Variants in ADAM33 observed in about 807,000 individuals in gnomAD.
ADAM33 encodes ADAM metallopeptidase domain 33.
In ADAM33, 103 loss-of-function variants were observed where a neutral mutation model predicts 106.2. The ratio of observed to expected loss-of-function variants is 0.97; its 90% CI spans 0.83 to 1.14. The LOEUF is 1.14. ADAM33 is among the 50% of genes most tolerant of loss of function. The pLI is 0.00. For missense variants in ADAM33, 1,120 were observed against 1,096.6 expected (o/e 1.02, Z -0.30); for synonymous variants, 483 against 453.0 (o/e 1.07, Z -0.84).
intron 6 of ADAM33, 80 bp from the exon 7 acceptor site, chr20:3,674,364 A>T (rs2087795685): frequency 1.9e-6 from 3 of 1,607,278 alleles, no homozygotes; most frequent in Non-Finnish European, 2.6e-6. Context: ...CCCAGAAGGA[A>T]GTTTAACATG....
Position 3,677,153 on chromosome 20 carries a change from A to G in ADAM33, c.178-10T>C. On this transcript the variant is annotated splice_polypyrimidine_tract_variant and intron_variant, in intron 2 of 21. Transcript: ENST00000356518. Reference sequence around the variant, plus strand: ...TGTCTGGCTTCGAGACCTGGGCAAGAAAATGTGTGGAGCTGAGATGGTGGC... The same window carrying G: ...TGTCTGGCTTCGAGACCTGGGCAAGGAAATGTGTGGAGCTGAGATGGTGGC... 6.2e-7 allele frequency: 1 copy of G among 1,604,054 alleles called. No individual in the cohort carries two copies. The highest frequency in any genetic ancestry group is 1.1e-5 in the South Asian group (1 of 89,920).
chr20:3,673,433 C>T lies in ADAM33; in HGVS notation c.1054G>A (p.Gly352Ser), dbSNP rs978556100. 2.5e-6 allele frequency: 4 copies of T among 1,575,714 alleles called. No individual in the cohort carries two copies. The East Asian group carries it at 6.9e-5, about 27-fold the overall frequency. The change falls in exon 11 of 22, where the codon GGC becomes AGC. Residue 352 changes from glycine to serine, a missense_variant. By Grantham distance (56) the Gly-to-Ser change is moderately conservative (BLOSUM62 0). Transcript: ENST00000356518. ...CAGCCGTCGGGGTCGTGGCTGAGGC[C>T]GAGGCTGTGGCCGATCTCATGGGCC... ...TMAHEIGHSL[G>S]LSHDPDGCCV...
At chr20:3,674,421 C>A in intron 6 of ADAM33, 83 bp downstream of exon 6, 9 of 1,600,506 alleles carry the variant, frequency 5.6e-6, no homozygotes, top group Non-Finnish European at 6.8e-6. Context: ...TACTGGGACT[C>A]GAGGCCTGTG....
At position 3,679,707 on chromosome 20, in the gene ADAM33, G is replaced by T. The variant is rs138079694; in HGVS notation, c.98-136C>A. 3.3e-5 allele frequency: 23 copies of T among 689,600 alleles called. No homozygotes were observed. In the African/African-American group the frequency reaches 3.9e-4, roughly 12 times the overall value. The allele number at this position is 689,600 out of a possible 1,614,324, so 42.7% of individuals were successfully genotyped here. Reference sequence around the variant, plus strand: ...TTGGGGCAGACTTCACCTTCAACACGCGTGGGCTCAGCCTGGAGAAGGAGG... The same window carrying T: ...TTGGGGCAGACTTCACCTTCAACACTCGTGGGCTCAGCCTGGAGAAGGAGG... On this transcript the variant is annotated intron_variant, in intron 1 of 21. Transcript: ENST00000356518.
Position 3,669,301 on chromosome 20 carries a change from TG to T in ADAM33, c.2401del (p.Gln801LysfsTer16). 2 of 1,586,994 alleles carry T rather than the reference TG, an allele frequency of 1.3e-6. No homozygotes were observed. Among genetic ancestry groups the T allele is most frequent in the Non-Finnish European group, 1.7e-6 (2 of 1,172,692 alleles). On this transcript the variant is annotated frameshift_variant, in exon 21 of 22. Coordinates refer to ENST00000356518, the MANE Select transcript of ADAM33 (RefSeq NM_025220.5). LOFTEE classifies it high-confidence loss of function. ...TTTGAATCCAGGTCCCTGCCTACCT[TG>T]GGGGTCAGGCGAGACTGCTGGCAGA... ...KPLPAVSPDP[Q>X]ADQVQMPRSC...
In ADAM33 at chr20:3,675,082, A is replaced by G. The variant is rs376636270; in HGVS notation, c.278T>C (p.Ile93Thr). Residue 93 changes from isoleucine to threonine, a missense_variant, in exon 4 of 22, where the codon ATA (isoleucine) becomes ACA (threonine). By Grantham distance (89) the Ile-to-Thr change is moderately conservative. Coordinates refer to ENST00000356518, the MANE Select transcript of ADAM33 (RefSeq NM_025220.5). This position sits in a 1 kb window ranked among gnomAD's most constrained non-coding sequence, Gnocchi z 4.1. ...KNHRLLAPGY[I>T]ETHYGPDGQP... ...CCCATCTGGGCCGTAGTGGGTTTCTATGTATCCTGGGGCCAGCAGCCTGCT... is the reference window on the plus strand; with the variant it reads ...CCCATCTGGGCCGTAGTGGGTTTCTGTGTATCCTGGGGCCAGCAGCCTGCT... The G allele has an allele frequency of 1.9e-6, 3 of 1,613,112 alleles. No individual in the cohort carries two copies. The highest frequency in any genetic ancestry group is 1.3e-5 in the African/African-American group (1 of 74,898).
chr20:3,678,397 G>A (rs2088161666), intron 2 of ADAM33, among the ~76,000 whole-genome samples: 1 of 152,148 alleles, frequency 6.6e-6, no homozygotes, highest in South Asian at 2.1e-4. Context: ...CACAGCCCAG[G>A]CCAGACAGAC....
intron 2 of ADAM33, among the ~76,000 whole-genome samples, chr20:3,679,115 CA>C (rs781034169): frequency 7.2e-5 from 10 of 139,756 alleles, no homozygotes; most frequent in Non-Finnish European, 1.4e-4. Flanking sequence ...GTCAACTTTG[CA>C]AAAGGTTTTC....
chr20:3,672,798 CG>C lies in ADAM33; in HGVS notation c.1233del (p.Gly412AspfsTer57). 1.3e-6 allele frequency: 2 copies of C among 1,572,260 alleles called. No individual in the cohort carries two copies. Among genetic ancestry groups the C allele is most frequent in the Admixed American group, 1.8e-5 (1 of 55,706 alleles). On this transcript the variant is annotated frameshift_variant, in exon 12 of 22. Transcript: ENST00000356518. LOFTEE classifies it high-confidence loss of function. ...GGACLSNAPD[P>X]GLPVPPALCG... Reference sequence around the variant, plus strand: ...CAGAGCGCCGGCGGCACCGGGAGTCCGGGGTCCGGGGCATTGGAGAGGCAAG... The same window carrying C: ...CAGAGCGCCGGCGGCACCGGGAGTCCGGGTCCGGGGCATTGGAGAGGCAAG...
chr20:3,681,389 G>T (rs868643192), intron 1 of ADAM33, among the ~76,000 whole-genome samples: 1 of 152,306 alleles, frequency 6.6e-6, no homozygotes, highest in Middle Eastern at 3.4e-3. Flanking sequence ...GCTGCCCTGG[G>T]AGGAGGGACG....
chr20:3,680,541 G>C (rs573382047), intron 1 of ADAM33, among the ~76,000 whole-genome samples: 13 of 152,160 alleles, frequency 8.5e-5, no homozygotes, highest in Non-Finnish European at 1.6e-4. Context: ...TCCTTGATTG[G>C]ATGAGTGAAT....
chr20:3,673,609 T>A lies in ADAM33; in HGVS notation c.955A>T (p.Met319Leu). 2 of 1,363,304 alleles carry A rather than the reference T, an allele frequency of 1.5e-6. No homozygotes were observed. Among genetic ancestry groups the A allele is most frequent in the Non-Finnish European group, 1.9e-6 (2 of 1,065,704 alleles). 84.5% of individuals were successfully genotyped at this position (1,363,304 alleles called of 1,614,324 possible). The change falls in exon 10 of 22, where the codon ATG (methionine) becomes TTG (leucine). Residue 319 changes from methionine (M) to leucine (L), a missense_variant. By Grantham distance (15) the Met-to-Leu change is conservative (BLOSUM62 2). Transcript: ENST00000356518. ...ATVGLAPVEGMCRAESSGGVS... is the reference protein window; with the variant it reads ...ATVGLAPVEGLCRAESSGGVS... ...CCTCCCGAGCTCTCGGCGCGGCACA[T>A]GCCCTCGACGGGCGCCAGGCCCACT...
chr20:3,681,814 CCG>C, intron 1 of ADAM33, 92 bp downstream of exon 1: 1 of 1,471,440 alleles, frequency 6.8e-7, no homozygotes, highest in Non-Finnish European at 9.0e-7. Context: ...GTGAGACCCT[CCG>C]CGCGCTGACC....
chr20:3,674,957 AGGAGTAG>A (rs1234683918), intron 4 of ADAM33, 63 bp downstream of exon 4: 1 of 1,610,206 alleles, frequency 6.2e-7, no homozygotes. Context: ...GAATGCAAGG[AGGAGTAG>A]GGGTAGGAAT....
intron 1 of ADAM33, among the ~76,000 whole-genome samples, chr20:3,680,242 T>C (rs2088366082): frequency 8.4e-6 from 1 of 118,558 alleles, no homozygotes; most frequent in African/African-American, 3.6e-5. Flanking sequence ...AATGTTCCCC[T>C]GGAATGCTCC....
At chr20:3,671,397 C>A in intron 17 of ADAM33, 22 bp downstream of exon 17, 2 of 1,611,256 alleles carry the variant, frequency 1.2e-6, no homozygotes, top group South Asian at 1.1e-5. Context: ...CCCAAGGTCA[C>A]CCCCACTCCT....
Position 3,668,918 on chromosome 20 carries a change from C to G in ADAM33, c.*45G>C. The G allele has an allele frequency of 6.2e-7, 1 of 1,608,638 alleles. No individual in the cohort carries two copies. Among genetic ancestry groups the G allele is most frequent in the Non-Finnish European group, 8.5e-7 (1 of 1,175,372 alleles). ...CAGTTCAAGTTCCTGGAGTGGCTGTCAGTGGCCACCTGTCTTTAAATCTGT... is the reference window on the plus strand; with the variant it reads ...CAGTTCAAGTTCCTGGAGTGGCTGTGAGTGGCCACCTGTCTTTAAATCTGT... On this transcript the variant is annotated 3_prime_UTR_variant, in exon 22 of 22. Coordinates refer to ENST00000356518, the MANE Select transcript of ADAM33 (RefSeq NM_025220.5).
rs2087339107 is a variant in ADAM33 at position 3,668,636 on chromosome 20, A to G, written c.*327T>C. The G allele has an allele frequency of 2.5e-6, 1 of 403,064 alleles. No homozygotes were observed. The highest frequency in any genetic ancestry group is 5.2e-5 in the East Asian group (1 of 19,320). The allele number at this position is 403,064 out of a possible 1,614,324, so 25.0% of individuals were successfully genotyped here. On this transcript the variant is annotated 3_prime_UTR_variant, in exon 22 of 22. Coordinates refer to ENST00000356518, the MANE Select transcript of ADAM33 (RefSeq NM_025220.5). Reference sequence around the variant, plus strand: ...CATGTAGGAGACACACCAGACTCCCAGGACAGAGCCCTTTTGGGATGGCCA... The same window carrying G: ...CATGTAGGAGACACACCAGACTCCCGGGACAGAGCCCTTTTGGGATGGCCA...
At chr20:3,669,496 G>A (rs1424491872) in intron 20 of ADAM33, 50 bp downstream of exon 20, 3 of 1,546,068 alleles carry the variant, frequency 1.9e-6, no homozygotes, top group South Asian at 2.4e-5. Context: ...GGAGGCATGA[G>A]CCCTTCCCTT....
Sources: allele counts gnomAD v4.1 joint callset (sites outside exome capture counted in the v4.1 genomes callset), GRCh38; gene constraint gnomAD v4.1.1; non-coding constraint Gnocchi (gnomAD v3.1); transcripts MANE v1.5; gene names NCBI Gene and HGNC (gene_info 2026-07-23, HGNC 2026-07-21).